Variants in TNS3 observed in about 807,000 individuals in gnomAD.
TNS3 encodes tensin-3.
Under a neutral mutation model 140.9 loss-of-function variants are expected in TNS3, and 45 were observed. The observed-to-expected ratio is 0.32, with a 90% CI of 0.25 to 0.41. The LOEUF (loss-of-function observed/expected upper bound fraction) is 0.41. Ranked by LOEUF, TNS3 falls within the 10% of genes least tolerant of loss-of-function variation. The pLI is 1.00. For synonymous variants in TNS3, 815 were observed against 788.4 expected (o/e 1.03, Z -0.56); for missense variants, 1,716 against 1,906.7 (o/e 0.90, Z 1.86).
intron 16 of TNS3, among the ~76,000 whole-genome samples, chr7:47,376,202 G>T (rs914520623): frequency 6.6e-6 from 1 of 152,196 alleles, no homozygotes; most frequent in Non-Finnish European, 1.5e-5. Flanking sequence ...TTGGGGAACA[G>T]AGAGAGAAAC....
intron 4 of TNS3, among the ~76,000 whole-genome samples, chr7:47,474,285 A>G (rs1200547559): frequency 8.9e-6 from 1 of 112,812 alleles, no homozygotes; most frequent in African/African-American, 4.8e-5. Flanking sequence ...CACACAACAC[A>G]CACACATAAA....
chr7:47,368,257 C>G, intron 17 of TNS3, 108 bp downstream of exon 17: 1 of 1,164,944 alleles, frequency 8.6e-7, no homozygotes, highest in Non-Finnish European at 1.1e-6. Context: ...AAATGTCCCT[C>G]CCTTGTGGAT....
chr7:47,288,917 C>T (rs1381457659), intron 27 of TNS3, among the ~76,000 whole-genome samples: 1 of 152,234 alleles, frequency 6.6e-6, no homozygotes, highest in East Asian at 1.9e-4. Context: ...AGTAGCAGAA[C>T]ATGGCCGGAA....
chr7:47,381,093 A>C (rs987550788), intron 16 of TNS3, among the ~76,000 whole-genome samples: 1 of 152,198 alleles, frequency 6.6e-6, no homozygotes, highest in Non-Finnish European at 1.5e-5. Context: ...TGGAGAAAGA[A>C]GCTCCTCCTG....
chr7:47,530,275 C>A (rs925199720), intron 1 of TNS3, among the ~76,000 whole-genome samples: 5 of 152,138 alleles, frequency 3.3e-5, no homozygotes, highest in African/African-American at 1.2e-4. Context: ...CAGATTAGAT[C>A]CTGCAGAAGC....
chr7:47,487,941 C>G (rs1163638194), intron 3 of TNS3, among the ~76,000 whole-genome samples: 1 of 152,110 alleles, frequency 6.6e-6, no homozygotes, highest in Non-Finnish European at 1.5e-5. Context: ...AGGCCCTGAA[C>G]TAGCCAGGGA....
At chr7:47,568,251 T>C (rs760698747) in intron 1 of TNS3, among the ~76,000 whole-genome samples, 2 of 152,122 alleles carry the variant, frequency 1.3e-5, no homozygotes, top group Non-Finnish European at 2.9e-5. Flanking sequence ...AGCAGGCACA[T>C]AGTCCTGAGC....
chr7:47,475,538 G>GGT (rs1460088457), intron 4 of TNS3, among the ~76,000 whole-genome samples: 1 of 152,352 alleles, frequency 6.6e-6, no homozygotes, highest in African/African-American at 2.4e-5. Flanking sequence ...TTCCCCGGGG[G>GGT]GGGGGCCAGG....
rs150554289 is a variant in TNS3, at chr7:47,444,375, TCATTTGACCGTGA to T, written c.-75-2333_-75-2321del. 8.5e-3 allele frequency among the ~76,000 whole-genome samples: 1,288 copies of T among 152,354 alleles called. 20 individuals carry two copies. Among genetic ancestry groups the T allele is most frequent in the African/African-American group, 0.029 (1,201 of 41,566 alleles). ...CGCTTCAGACCCTATGTCACGCTTATCATTTGACCGTGAAAGACTGGCACGCAACTTAACATAT... is the reference window on the plus strand; with the variant it reads ...CGCTTCAGACCCTATGTCACGCTTATAAGACTGGCACGCAACTTAACATAT... On this transcript the variant is annotated intron_variant, in intron 4 of 30. Transcript: ENST00000311160.
chr7:47,502,406 T>A lies in TNS3; in HGVS notation c.-115+4501A>T, dbSNP rs138285670. Among the ~76,000 whole-genome samples the A allele has an allele frequency of 3.3e-5, 5 of 152,348 alleles. No individual in the cohort carries two copies. In the East Asian group the frequency reaches 9.6e-4, roughly 29 times the overall value. On this transcript the variant is annotated intron_variant, in intron 3 of 30. Coordinates refer to ENST00000311160, the MANE Select transcript of TNS3 (RefSeq NM_022748.12). ...TCTGTTGACGCCCAGGATGAATGTC[T>A]AGGGACAGTTTCTGAAGAAGCCATA...
intron 13 of TNS3, among the ~76,000 whole-genome samples, chr7:47,402,749 C>G (rs967973937): frequency 9.2e-5 from 14 of 152,196 alleles, no homozygotes; most frequent in Non-Finnish European, 5.9e-5. Flanking sequence ...GCCTGTCTGC[C>G]TCCACTAGTG....
At chr7:47,474,658 A>G (rs1192380694) in intron 4 of TNS3, among the ~76,000 whole-genome samples, 1 of 140,170 alleles carries the variant, frequency 7.1e-6, no homozygotes, top group East Asian at 2.2e-4. Flanking sequence ...AACACACACA[A>G]AAAACACCTC....
rs577965460 is a variant in TNS3 at position 47,504,844 on chromosome 7, T to C, written c.-115+2063A>G. Reference sequence around the variant, plus strand: ...TCCCCTGTGGTTCAAAGCTGTATTATAAAAAAAATGAACACGGATATATTT... The same window carrying C: ...TCCCCTGTGGTTCAAAGCTGTATTACAAAAAAAATGAACACGGATATATTT... On this transcript the variant is annotated intron_variant, in intron 3 of 30. Transcript: ENST00000311160. 2.0e-5 allele frequency among the ~76,000 whole-genome samples: 3 copies of C among 152,016 alleles called. No individual in the cohort carries two copies. In the South Asian group the frequency reaches 6.2e-4, roughly 32 times the overall value.
intron 3 of TNS3, among the ~76,000 whole-genome samples, chr7:47,505,259 G>A (rs1168291365): frequency 6.6e-6 from 1 of 152,018 alleles, no homozygotes; most frequent in Non-Finnish European, 1.5e-5. Context: ...TCCCCCAAAG[G>A]TACAATCTTC....
At chr7:47,542,305 T>C (rs969425854) in intron 1 of TNS3, among the ~76,000 whole-genome samples, 1 of 152,140 alleles carries the variant, frequency 6.6e-6, no homozygotes, top group African/African-American at 2.4e-5. Context: ...GCATTACCAC[T>C]GGGTGTTTCT....
intron 16 of TNS3, among the ~76,000 whole-genome samples, chr7:47,386,471 G>A (rs1279703576): frequency 6.6e-6 from 1 of 152,250 alleles, no homozygotes; most frequent in Non-Finnish European, 1.5e-5. Context: ...ACCCTCGACA[G>A]GCCTTGACCT....
intron 1 of TNS3, chr7:47,539,074 C>A (rs778824791): frequency 2.2e-6 from 1 of 456,704 alleles, no homozygotes; most frequent in Non-Finnish European, 4.4e-6. Flanking sequence ...ACCGCCCTTA[C>A]CATGGTGCCC....
intron 3 of TNS3, among the ~76,000 whole-genome samples, chr7:47,499,776 T>C (rs1326958597): frequency 6.6e-6 from 1 of 152,098 alleles, no homozygotes; most frequent in African/African-American, 2.4e-5. Flanking sequence ...ACTGTCATGG[T>C]GGATGTCACT....
intron 4 of TNS3, among the ~76,000 whole-genome samples, chr7:47,444,501 T>G (rs1454382635): frequency 2.6e-5 from 4 of 152,230 alleles, no homozygotes; most frequent in Non-Finnish European, 4.4e-5. Flanking sequence ...AATACGTGAC[T>G]GCTCACTGCC....
Sources: allele counts gnomAD v4.1 joint callset (sites outside exome capture counted in the v4.1 genomes callset), GRCh38; gene constraint gnomAD v4.1.1; transcripts MANE v1.5; gene names NCBI Gene and HGNC (gene_info 2026-07-23, HGNC 2026-07-21).